The following EXOC4 variants were observed in gnomAD, a reference collection of about 807,000 sequenced individuals.
EXOC4 encodes SEC8-like 1.
In EXOC4, 71 loss-of-function variants were observed where a neutral mutation model predicts 107.2. The ratio of observed to expected loss-of-function variants is 0.66; its 90% CI spans 0.55 to 0.81. The LOEUF (loss-of-function observed/expected upper bound fraction) is 0.81. Among genes scored for constraint, EXOC4 ranks in the 30% least tolerant of loss-of-function variants. The pLI, the probability that EXOC4 is intolerant of heterozygous loss-of-function variation, is 0.00. For missense variants in EXOC4, 1,108 were observed against 1,189.6 expected, an observed-to-expected ratio of 0.93 and a Z score of 1.01; for synonymous variants, 456 against 441.2, an observed-to-expected ratio of 1.03 and a Z score of -0.42.
chr7:133,625,572 G>A (rs932907300), intron 9 of EXOC4, among the ~76,000 whole-genome samples: 1 of 152,026 alleles, frequency 6.6e-6, no homozygotes, highest in African/African-American at 2.4e-5. Context: ...ACTCTAGTTG[G>A]GTAGAATCAA....
intron 17 of EXOC4, among the ~76,000 whole-genome samples, chr7:134,016,199 A>G (rs943570315): frequency 9.2e-5 from 14 of 152,200 alleles, no homozygotes; most frequent in African/African-American, 2.9e-4. Context: ...GAGACATCTA[A>G]CATGCAACTG....
chr7:133,534,978 T>A lies in EXOC4; in HGVS notation c.1417+54840T>A, dbSNP rs552112076. On this transcript the variant is annotated intron_variant, in intron 9 of 17. Coordinates refer to ENST00000253861, the MANE Select transcript of EXOC4 (RefSeq NM_021807.4). ...GTCAACAGATTTGATGTTTTGTGCC[T>A]ATGAGGCAGAATACTTAAAAGGGCA... 3.9e-5 allele frequency among the ~76,000 whole-genome samples: 6 copies of A among 152,276 alleles called. No individual in the cohort carries two copies. The South Asian group carries it at 1.2e-3, about 32-fold the overall frequency.
intron 11 of EXOC4, among the ~76,000 whole-genome samples, chr7:133,854,830 T>C (rs922805386): frequency 6.7e-6 from 1 of 149,768 alleles, no homozygotes; most frequent in Non-Finnish European, 1.5e-5. Context: ...AAAACTTGCC[T>C]GTTGGCATTA....
chr7:134,044,852 T>G (rs1408097394), intron 17 of EXOC4, among the ~76,000 whole-genome samples: 2 of 152,224 alleles, frequency 1.3e-5, no homozygotes, highest in African/African-American at 2.4e-5. Context: ...GAGTCAACAT[T>G]TTTGTCTCCC....
chr7:133,749,760 T>C (rs190419350), intron 10 of EXOC4, among the ~76,000 whole-genome samples: 1 of 152,250 alleles, frequency 6.6e-6, no homozygotes, highest in East Asian at 1.9e-4. Flanking sequence ...AGGAATAATA[T>C]TGTGTCTAAA....
At chr7:133,294,711 A>G (rs879457199) in intron 3 of EXOC4, among the ~76,000 whole-genome samples, 8 of 152,278 alleles carry the variant, frequency 5.3e-5, no homozygotes, top group Middle Eastern at 3.4e-3. Context: ...AAATGTGGCC[A>G]TATCTGGGAT....
chr7:133,928,922 C>CTT lies in EXOC4; in HGVS notation c.2028-8942_2028-8941dup, dbSNP rs71162044. On this transcript the variant is annotated intron_variant, in intron 13 of 17. Coordinates refer to ENST00000253861, the MANE Select transcript of EXOC4 (RefSeq NM_021807.4). The stretch of plus-strand genomic sequence containing the variant: ...TGGAAGAATTTAGAAACAGTAGTAC[C>CTT]TTTTTTTTTTTTTTTTTTTTTTTTT... Among the ~76,000 whole-genome samples, 95 of 82,056 alleles carry CTT rather than the reference C, an allele frequency of 1.2e-3. 4 individuals are homozygous for CTT. Among genetic ancestry groups the CTT allele is most frequent in the African/African-American group, 2.2e-3 (37 of 16,614 alleles). The allele number at this position is 82,056 out of a possible 152,430, so 53.8% of individuals were successfully genotyped here. A position where few individuals can be genotyped will look rare whatever the true frequency, so the allele number is the denominator to read the frequency against.
At chr7:133,761,891 T>C (rs1191607767) in intron 10 of EXOC4, among the ~76,000 whole-genome samples, 1 of 152,182 alleles carries the variant, frequency 6.6e-6, no homozygotes, top group Non-Finnish European at 1.5e-5. Context: ...AGTGAAGTGG[T>C]GCTTCTCCCT....
At chr7:133,439,824 AC>A (rs1309234343) in intron 7 of EXOC4, among the ~76,000 whole-genome samples, 2 of 152,122 alleles carry the variant, frequency 1.3e-5, no homozygotes, top group Non-Finnish European at 2.9e-5. Flanking sequence ...TTTTCCCTGG[AC>A]CTGCCTCACT....
intron 7 of EXOC4, among the ~76,000 whole-genome samples, chr7:133,430,468 C>T (rs1173326789): frequency 6.6e-6 from 1 of 152,176 alleles, no homozygotes; most frequent in Admixed American, 6.5e-5. Flanking sequence ...GCTTCTGGTC[C>T]ATATCAATAA....
chr7:133,897,101 A>G (rs966882560), intron 12 of EXOC4, among the ~76,000 whole-genome samples: 3 of 151,352 alleles, frequency 2.0e-5, no homozygotes, highest in African/African-American at 7.3e-5. Context: ...TAACATTCTG[A>G]AAATGTAGAT....
Position 133,414,809 on chromosome 7 carries a change from C to T in EXOC4, c.1182+39807C>T, listed in dbSNP as rs373044997. Among the ~76,000 whole-genome samples, 8 of 152,072 alleles carry T rather than the reference C, an allele frequency of 5.3e-5. No homozygotes were observed. In the East Asian group the frequency reaches 5.8e-4, roughly 11 times the overall value. On this transcript the variant is annotated intron_variant, in intron 7 of 17. Transcript: ENST00000253861. ...ATACAGTTTACCAATTCAAAGTATACAATTCAATGGCTTTAAACATGTTCA... is the reference window on the plus strand; with the variant it reads ...ATACAGTTTACCAATTCAAAGTATATAATTCAATGGCTTTAAACATGTTCA...
intron 10 of EXOC4, among the ~76,000 whole-genome samples, chr7:133,724,273 A>G (rs1352739833): frequency 6.6e-6 from 1 of 152,200 alleles, no homozygotes; most frequent in Non-Finnish European, 1.5e-5. Context: ...ACTCCAAAGG[A>G]GACCTCAGTC....
intron 11 of EXOC4, among the ~76,000 whole-genome samples, chr7:133,878,565 G>A (rs577269832): frequency 7.6e-4 from 116 of 152,208 alleles, no homozygotes; most frequent in Non-Finnish European, 1.5e-3. Flanking sequence ...CATTAATTAG[G>A]CCAAGCTCGA....
intron 7 of EXOC4, among the ~76,000 whole-genome samples, chr7:133,419,721 A>G (rs993968931): frequency 2.0e-5 from 3 of 152,138 alleles, no homozygotes; most frequent in African/African-American, 7.2e-5. Flanking sequence ...TTGAAGTGTG[A>G]ATCCCAGATC....
At chr7:133,278,416 C>T (rs921816278) in intron 2 of EXOC4, among the ~76,000 whole-genome samples, 2 of 152,154 alleles carry the variant, frequency 1.3e-5, no homozygotes, top group Non-Finnish European at 1.5e-5. Context: ...CCCCCACCCA[C>T]TCACCAGGGA....
intron 10 of EXOC4, among the ~76,000 whole-genome samples, chr7:133,711,343 A>G (rs1794889368): frequency 6.6e-6 from 1 of 152,236 alleles, no homozygotes; most frequent in African/African-American, 2.4e-5. Flanking sequence ...GACTGAAATG[A>G]GAAAAATGGA....
intron 10 of EXOC4, among the ~76,000 whole-genome samples, chr7:133,693,774 T>G: frequency 6.6e-6 from 1 of 152,168 alleles, no homozygotes; most frequent in East Asian, 1.9e-4. Flanking sequence ...GTAAGGAAAG[T>G]GTCTTTTCTG....
chr7:133,961,781 G>T (rs1800950718), intron 14 of EXOC4, among the ~76,000 whole-genome samples: 1 of 152,186 alleles, frequency 6.6e-6, no homozygotes, highest in African/African-American at 2.4e-5. Flanking sequence ...TAAGTAACTG[G>T]CACAGGCAGG....
Sources: allele counts gnomAD v4.1 joint callset (sites outside exome capture counted in the v4.1 genomes callset), GRCh38; gene constraint gnomAD v4.1.1; transcripts MANE v1.5; gene names NCBI Gene and HGNC (gene_info 2026-07-23, HGNC 2026-07-21).